Variants in FBXL7 observed in about 807,000 individuals in gnomAD.
FBXL7 encodes the protein F-box and leucine rich repeat protein 7.
In FBXL7, 12 loss-of-function variants were observed where a neutral mutation model predicts 38.3. The observed-to-expected ratio is 0.31, with a 90% CI of 0.20 to 0.51. FBXL7 has a LOEUF of 0.51. FBXL7 is among the 20% of genes least tolerant of loss of function. FBXL7 has a pLI of 0.98. For synonymous variants in FBXL7, 297 were observed against 300.9 expected (o/e 0.99, Z 0.13); for missense variants, 567 against 676.4 (o/e 0.84, Z 1.79).
At chr5:15,835,642 C>T (rs996993805) in intron 2 of FBXL7, among the ~76,000 whole-genome samples, 11 of 152,176 alleles carry the variant, frequency 7.2e-5, no homozygotes, top group Middle Eastern at 3.4e-3. Flanking sequence ...CTGAGAGTCA[C>T]GCAGTATAGA....
intron 1 of FBXL7, among the ~76,000 whole-genome samples, chr5:15,568,224 G>A (rs1038699127): frequency 1.3e-5 from 2 of 151,846 alleles, no homozygotes; most frequent in African/African-American, 4.8e-5. Context: ...CAGTGTAAAA[G>A]TGTTCCTATT....
At chr5:15,592,135 T>C (rs1739496808) in intron 1 of FBXL7, among the ~76,000 whole-genome samples, 1 of 152,320 alleles carries the variant, frequency 6.6e-6, no homozygotes, top group East Asian at 1.9e-4. Flanking sequence ...ACACCTACTG[T>C]GTTCATGCTC....
chr5:15,583,203 T>C (rs530657760), intron 1 of FBXL7, among the ~76,000 whole-genome samples: 1 of 152,112 alleles, frequency 6.6e-6, no homozygotes, highest in East Asian at 1.9e-4. Context: ...AAGAACAACA[T>C]GGGGGAAACT....
chr5:15,612,266 G>A (rs1441064323), intron 1 of FBXL7, among the ~76,000 whole-genome samples: 1 of 152,102 alleles, frequency 6.6e-6, no homozygotes, highest in Non-Finnish European at 1.5e-5. Flanking sequence ...GTAAAATAAT[G>A]AGAAAATGAT....
intron 1 of FBXL7, among the ~76,000 whole-genome samples, chr5:15,568,559 A>G (rs1183876044): frequency 6.6e-6 from 1 of 151,410 alleles, no homozygotes; most frequent in Non-Finnish European, 1.5e-5. Context: ...CTCTGATGGT[A>G]GTTTCTTTTG....
At chr5:15,547,312 C>G (rs1053551120) in intron 1 of FBXL7, among the ~76,000 whole-genome samples, 1 of 152,178 alleles carries the variant, frequency 6.6e-6, no homozygotes, top group Non-Finnish European at 1.5e-5. Flanking sequence ...ATTTCCCTTT[C>G]ATCTTAGCAG....
chr5:15,678,769 G>T (rs796189318), intron 2 of FBXL7, among the ~76,000 whole-genome samples: 24 of 152,140 alleles, frequency 1.6e-4, no homozygotes, highest in African/African-American at 5.8e-4. Context: ...CTTGTCTGCC[G>T]CCATGTAAGA....
rs138433241 is a variant in FBXL7 at position 15,605,521 on chromosome 5, A to G, written c.38-10462A>G. ...TCGTGTAATTCCACTTGTATGAAAT[A>G]TCTAGAACAGGCAAATTCATAGAGA... On this transcript the variant is annotated intron_variant, in intron 1 of 3. Transcript: ENST00000504595. Among the ~76,000 whole-genome samples, 66 of 152,336 alleles carry G rather than the reference A, an allele frequency of 4.3e-4. 1 individual carries two copies. In the East Asian group the frequency reaches 0.011, roughly 26 times the overall value.
chr5:15,828,583 G>A lies in FBXL7; in HGVS notation c.128-99307G>A, dbSNP rs576727782. On this transcript the variant is annotated intron_variant, in intron 2 of 3. Coordinates refer to ENST00000504595, the MANE Select transcript of FBXL7 (RefSeq NM_012304.5). The stretch of plus-strand genomic sequence containing the variant: ...TCTCTATTAATTGAACACCTTCTGA[G>A]ATGGCTTCTTGACTCTGCACTGTAG... Among the ~76,000 whole-genome samples the A allele has an allele frequency of 2.0e-5, 3 of 152,290 alleles. No individual in the cohort carries two copies. In the South Asian group the frequency reaches 6.2e-4, roughly 32 times the overall value.
intron 2 of FBXL7, among the ~76,000 whole-genome samples, chr5:15,840,898 AT>A (rs2126783439): frequency 6.6e-6 from 1 of 150,660 alleles, no homozygotes; most frequent in South Asian, 2.1e-4. Context: ...ATTTTGTAAT[AT>A]TTTTGATATA....
intron 2 of FBXL7, among the ~76,000 whole-genome samples, chr5:15,872,915 T>C (rs1281648917): frequency 6.6e-6 from 1 of 151,896 alleles, no homozygotes; most frequent in African/African-American, 2.4e-5. Flanking sequence ...TGAACTCAGC[T>C]CTGGACCAAG....
At chr5:15,870,750 T>G (rs538114596) in intron 2 of FBXL7, among the ~76,000 whole-genome samples, 1 of 152,354 alleles carries the variant, frequency 6.6e-6, no homozygotes, top group African/African-American at 2.4e-5. Context: ...ATAGCCAGAA[T>G]GCCTCTCTAG....
chr5:15,515,492 G>T (rs1002232577), intron 1 of FBXL7, among the ~76,000 whole-genome samples: 1 of 152,160 alleles, frequency 6.6e-6, no homozygotes, highest in African/African-American at 2.4e-5. Context: ...TGCTCAACTG[G>T]TGTGGAAAAC....
intron 2 of FBXL7, among the ~76,000 whole-genome samples, chr5:15,617,181 T>C (rs1740479544): frequency 6.6e-6 from 1 of 152,210 alleles, no homozygotes; most frequent in African/African-American, 2.4e-5. Flanking sequence ...AAGAATTACC[T>C]TTTCTGGGTT....
intron 1 of FBXL7, among the ~76,000 whole-genome samples, chr5:15,531,576 C>T (rs1377277740): frequency 6.6e-6 from 1 of 152,204 alleles, no homozygotes; most frequent in African/African-American, 2.4e-5. Flanking sequence ...CAGGCTGACT[C>T]TGGCCATAAG....
chr5:15,844,094 G>A (rs1344910632), intron 2 of FBXL7, among the ~76,000 whole-genome samples: 2 of 152,176 alleles, frequency 1.3e-5, no homozygotes, highest in Admixed American at 1.3e-4. Context: ...CCCAACTGTG[G>A]CAATTTAGCA....
At chr5:15,650,435 G>A (rs1351127979) in intron 2 of FBXL7, among the ~76,000 whole-genome samples, 7 of 152,158 alleles carry the variant, frequency 4.6e-5, no homozygotes, top group South Asian at 2.1e-4. Flanking sequence ...TCACTTCATC[G>A]TTGATGGCTG....
chr5:15,703,561 AAAATT>A (rs1345151626), intron 2 of FBXL7, among the ~76,000 whole-genome samples: 1 of 152,218 alleles, frequency 6.6e-6, no homozygotes, highest in Non-Finnish European at 1.5e-5. Context: ...ATCTGAAAAT[AAAATT>A]AATTTAGCAA....
chr5:15,603,248 A>G (rs778723734), intron 1 of FBXL7, among the ~76,000 whole-genome samples: 14 of 152,224 alleles, frequency 9.2e-5, no homozygotes, highest in Non-Finnish European at 1.6e-4. Context: ...TTTGCATACA[A>G]TAAGTTTAGC....
Sources: gnomAD v4.1 joint callset for allele counts (sites outside exome capture counted in the v4.1 genomes callset) on GRCh38, gnomAD v4.1.1 for gene constraint, MANE v1.5 for transcripts, NCBI Gene and HGNC (gene_info 2026-07-23, HGNC 2026-07-21) for gene names.